Variants in KIF5B observed in about 807,000 individuals in gnomAD.
KIF5B encodes kinesin-1 heavy chain.
KIF5B carries 49 observed loss-of-function variants against 132.8 expected under a neutral mutation model. The ratio of observed to expected loss-of-function variants is 0.37; its 90% CI spans 0.29 to 0.47. The LOEUF (loss-of-function observed/expected upper bound fraction) is 0.47. Ranked by LOEUF, KIF5B falls within the 20% of genes least tolerant of loss-of-function variation. KIF5B has a pLI of 1.00. For synonymous variants in KIF5B, 355 were observed against 369.4 expected (o/e 0.96, Z 0.45); for missense variants, 780 against 1,144.0 (o/e 0.68, Z 4.59).
chr10:32,031,337 C>T, intron 13 of KIF5B, 58 bp from the exon 14 acceptor site: 1 of 1,291,060 alleles, frequency 7.7e-7, no homozygotes, highest in Non-Finnish European at 1.1e-6. Context: ...AAAAAACACC[C>T]ATGAAGCTTC....
intron 15 of KIF5B, among the ~76,000 whole-genome samples, chr10:32,028,011 T>C (rs1237845195): frequency 6.6e-6 from 1 of 152,128 alleles, no homozygotes; most frequent in Non-Finnish European, 1.5e-5. Flanking sequence ...CTTGATCTGT[T>C]GTGCAGGCTG....
intron 19 of KIF5B, among the ~76,000 whole-genome samples, chr10:32,020,527 C>G (rs1313614849): frequency 6.6e-6 from 1 of 152,138 alleles, no homozygotes; most frequent in Non-Finnish European, 1.5e-5. Context: ...CTCAAGCAAT[C>G]CTCGTGCCAC....
At chr10:32,054,177 G>A (rs17409410) in intron 1 of KIF5B, among the ~76,000 whole-genome samples, 13,644 of 152,302 alleles carry the variant, frequency 0.09, 746 homozygotes, top group Middle Eastern at 0.14. Context: ...CACTGCAGAA[G>A]CTGAGTACTG....
chr10:32,035,221 G>C (rs938361215), intron 10 of KIF5B, among the ~76,000 whole-genome samples: 2 of 152,186 alleles, frequency 1.3e-5, no homozygotes, highest in African/African-American at 4.8e-5. Context: ...AGGCTTAACA[G>C]AGGATTATGT....
chr10:32,022,798 T>C (rs756267700), intron 16 of KIF5B, 50 bp downstream of exon 16: 1 of 1,319,114 alleles, frequency 7.6e-7, no homozygotes. Flanking sequence ...TAAATAAAAT[T>C]TCTATGTGGC....
At chr10:32,044,837 A>G (rs1841588541) in intron 2 of KIF5B, among the ~76,000 whole-genome samples, 2 of 152,230 alleles carry the variant, frequency 1.3e-5, no homozygotes, top group Non-Finnish European at 1.5e-5. Flanking sequence ...AAAGTGGCAG[A>G]GCCTAGAATT....
intron 1 of KIF5B, among the ~76,000 whole-genome samples, 191 bp downstream of exon 1, chr10:32,055,657 G>A (rs1841752120): frequency 6.6e-6 from 1 of 152,170 alleles, no homozygotes; most frequent in Admixed American, 6.5e-5. Flanking sequence ...GACTGGGGTG[G>A]GGGCGATCCA....
At chr10:32,013,993 G>A (rs211395) in intron 25 of KIF5B, among the ~76,000 whole-genome samples, 32,323 of 151,900 alleles carry the variant, frequency 0.21, 3,630 homozygotes, top group Non-Finnish European at 0.25. Context: ...GCAAAATGTC[G>A]AAGTATAAAC....
Position 32,056,085 on chromosome 10 carries a change from C to CA in KIF5B, c.-113dup, listed in dbSNP as rs1025956871. 1.4e-5 allele frequency: 19 copies of CA among 1,353,020 alleles called. No individual in the cohort carries two copies. Among genetic ancestry groups the CA allele is most frequent in the Middle Eastern group, 2.6e-4 (1 of 3,862 alleles). The allele number at this position is 1,353,020 out of a possible 1,614,324, so 83.8% of individuals were successfully genotyped here. On this transcript the variant is annotated 5_prime_UTR_variant, in exon 1 of 26. Coordinates refer to ENST00000302418, the MANE Select transcript of KIF5B (RefSeq NM_004521.3). ...CGCGAGGGCCGTGAGAGGCAGCAGTCAGCTGCGCCGCGCTGCGCTTCCCCG... is the reference window on the plus strand; with the variant it reads ...CGCGAGGGCCGTGAGAGGCAGCAGTCAAGCTGCGCCGCGCTGCGCTTCCCCG...
intron 3 of KIF5B, 56 bp downstream of exon 3, chr10:32,040,328 T>C: frequency 2.0e-6 from 2 of 990,392 alleles, no homozygotes; most frequent in Middle Eastern, 2.0e-4. Flanking sequence ...ATATCACAAA[T>C]AATGAATGCT....
intron 2 of KIF5B, among the ~76,000 whole-genome samples, chr10:32,045,849 C>T (rs532961725): frequency 1.1e-4 from 16 of 152,206 alleles, no homozygotes; most frequent in African/African-American, 3.1e-4. Context: ...ACTAGCCAAT[C>T]GTATAGGTAA....
chr10:32,022,260 T>G lies in KIF5B; in HGVS notation c.1915-3A>C, dbSNP rs762940696. ...AATGACTTGATTTTGGCTTCATGCT[T>G]TTGGAAAAAATATACTGATATGAAG... On this transcript the variant is annotated splice_polypyrimidine_tract_variant and splice_region_variant and intron_variant, in intron 16 of 25. Transcript: ENST00000302418. The G allele has an allele frequency of 2.6e-6, 4 of 1,524,698 alleles. No individual in the cohort carries two copies. The highest frequency in any genetic ancestry group is 3.6e-6 in the Non-Finnish European group (4 of 1,102,812). 94.4% of individuals were successfully genotyped at this position (1,524,698 alleles called of 1,614,324 possible). A position where few individuals can be genotyped will look rare whatever the true frequency, so the allele number is the denominator to read the frequency against.
At chr10:32,020,031 A>C (rs1841237378) in intron 19 of KIF5B, 72 bp from the exon 20 acceptor site, 1 of 1,023,380 alleles carries the variant, frequency 9.8e-7, no homozygotes, top group Non-Finnish European at 1.5e-6. Context: ...TAAAATTTCC[A>C]AACTTTTAAA....
Position 32,030,985 on chromosome 10 carries a change from T to C in KIF5B, c.1581+88A>G, listed in dbSNP as rs1841396392. The C allele has an allele frequency of 6.6e-6, 6 of 903,462 alleles. No individual in the cohort carries two copies. In the South Asian group the frequency reaches 8.3e-5, roughly 12 times the overall value. The allele number at this position is 903,462 out of a possible 1,614,324, so 56.0% of individuals were successfully genotyped here. On this transcript the variant is annotated intron_variant, in intron 14 of 25. Transcript: ENST00000302418. ...AAATTGATGTTATCGATATTTGACTTACATAGAAAAGTAAGTTATTTAAGT... is the reference window on the plus strand; with the variant it reads ...AAATTGATGTTATCGATATTTGACTCACATAGAAAAGTAAGTTATTTAAGT...
At chr10:32,039,488 CAA>C in intron 3 of KIF5B, 57 bp from the exon 4 acceptor site, 4 of 803,018 alleles carry the variant, frequency 5.0e-6, no homozygotes, top group Non-Finnish European at 6.1e-6. Flanking sequence ...GAAGTAAAAA[CAA>C]AGAGTTTCAA....
intron 12 of KIF5B, 139 bp from the exon 13 acceptor site, chr10:32,032,913 C>T: frequency 1.5e-6 from 1 of 667,630 alleles, no homozygotes; most frequent in East Asian, 2.7e-5. Flanking sequence ...ATTTTAATCT[C>T]TTTTAAGAAA....
chr10:32,044,614 TAC>T (rs1201667327), intron 2 of KIF5B, among the ~76,000 whole-genome samples: 2 of 151,806 alleles, frequency 1.3e-5, no homozygotes, highest in Non-Finnish European at 2.9e-5. Flanking sequence ...GGAGGTAGGT[TAC>T]AGTGAGCCAA....
rs776444661 is a variant in KIF5B, at chr10:32,009,415, TA to T, written c.*2121del. 24 of 152,126 alleles carry T rather than the reference TA, an allele frequency of 1.6e-4. No individual in the cohort carries two copies. Among genetic ancestry groups the T allele is most frequent in the Non-Finnish European group, 2.6e-4 (18 of 68,012 alleles). The allele number at this position is 152,126 out of a possible 1,614,324, so 9.4% of individuals were successfully genotyped here. A position where few individuals can be genotyped will look rare whatever the true frequency, so the allele number is the denominator to read the frequency against. ...GATCAGAAATTTTCATTTTTAAGAG[TA>T]AGTGCTGTGTTTAATGACCTACCAT... On this transcript the variant is annotated 3_prime_UTR_variant, in exon 26 of 26. Transcript: ENST00000302418.
intron 1 of KIF5B, among the ~76,000 whole-genome samples, chr10:32,049,632 C>T (rs149619776): frequency 2.6e-5 from 4 of 152,134 alleles, no homozygotes; most frequent in African/African-American, 9.6e-5. Flanking sequence ...ATTCTGAAAA[C>T]AGCTTTGATC....
Sources: allele counts gnomAD v4.1 joint callset (sites outside exome capture counted in the v4.1 genomes callset), GRCh38; gene constraint gnomAD v4.1.1; transcripts MANE v1.5; gene names NCBI Gene and HGNC (gene_info 2026-07-23, HGNC 2026-07-21).